SS18: variants seen among roughly 807,000 people sequenced by gnomAD.
SS18 encodes the protein SS18 subunit of BAF chromatin remodeling complex.
A neutral mutation model predicts 72.5 loss-of-function variants in SS18; 28 were observed. The observed-to-expected ratio is 0.39, with a 90% CI of 0.29 to 0.53. The LOEUF (loss-of-function observed/expected upper bound fraction) is 0.53, where lower values mean the gene tolerates loss of function less well. Ranked by LOEUF, SS18 falls within the 20% of genes least tolerant of loss-of-function variation. The pLI, the probability that SS18 is intolerant of heterozygous loss-of-function variation, is 0.76. For missense variants in SS18, 518 were observed against 535.3 expected (o/e 0.97, Z 0.32); for synonymous variants, 172 against 164.2 (o/e 1.05, Z -0.37).
intron 10 of SS18, among the ~76,000 whole-genome samples, chr18:26,022,522 G>A (rs2053370386): frequency 6.6e-6 from 1 of 151,444 alleles, no homozygotes; most frequent in Non-Finnish European, 1.5e-5. Context: ...TGATCCCTGA[G>A]ACATGGTAAA....
chr18:26,026,662 T>TG (rs1228638609), intron 10 of SS18, among the ~76,000 whole-genome samples: 9 of 151,916 alleles, frequency 5.9e-5, no homozygotes, highest in Non-Finnish European at 1.2e-4. Context: ...GGAAGGAACA[T>TG]GGGGGAGCAT....
Position 26,052,606 on chromosome 18 carries a change from G to A in SS18, c.607+18C>T, listed in dbSNP as rs763399753. On this transcript the variant is annotated intron_variant, in intron 5 of 10. Transcript: ENST00000415083. Reference sequence around the variant, plus strand: ...CTAATAGAGCACTCTAGTCAAGAAGGACATAAAGCTTAGTTACCTTGGTTT... The same window carrying A: ...CTAATAGAGCACTCTAGTCAAGAAGAACATAAAGCTTAGTTACCTTGGTTT... The A allele has an allele frequency of 1.9e-6, 3 of 1,588,196 alleles. No individual in the cohort carries two copies. In the South Asian group the frequency reaches 3.3e-5, roughly 18 times the overall value.
At chr18:26,079,143 T>C (rs2054472265) in intron 2 of SS18, 1 of 152,166 alleles carries the variant, frequency 6.6e-6, no homozygotes, top group Non-Finnish European at 1.5e-5. Context: ...AAAAAAGAGA[T>C]ATGCTAAAAC....
At chr18:26,066,928 T>C (rs2054230666) in intron 3 of SS18, among the ~76,000 whole-genome samples, 2 of 152,194 alleles carry the variant, frequency 1.3e-5, no homozygotes, top group South Asian at 4.1e-4. Context: ...GTACTCTGAA[T>C]ACAAAGTATT....
intron 5 of SS18, among the ~76,000 whole-genome samples, chr18:26,046,901 G>T (rs2053833514): frequency 1.3e-5 from 2 of 152,186 alleles, no homozygotes; most frequent in Admixed American, 6.5e-5. Flanking sequence ...TATTTATGTA[G>T]TGATTTGTAG....
intron 3 of SS18, among the ~76,000 whole-genome samples, chr18:26,067,209 T>A (rs1375994594): frequency 6.6e-6 from 1 of 152,186 alleles, no homozygotes; most frequent in African/African-American, 2.4e-5. Context: ...AATATCAAAA[T>A]GTTTTAACTA....
intron 1 of SS18, among the ~76,000 whole-genome samples, chr18:26,089,592 G>T (rs959235953): frequency 6.6e-6 from 1 of 152,202 alleles, no homozygotes; most frequent in Non-Finnish European, 1.5e-5. Flanking sequence ...AGCAACTTCT[G>T]AAAGTCTAGG....
At chr18:26,023,013 T>G (rs960852571) in intron 10 of SS18, among the ~76,000 whole-genome samples, 2 of 152,198 alleles carry the variant, frequency 1.3e-5, no homozygotes, top group Admixed American at 1.3e-4. Context: ...CTAGAATATC[T>G]TAAAAGCAAT....
At chr18:26,091,038 T>G, upstream of SS18, 2 of 188,970 alleles carry the variant, frequency 1.1e-5, no homozygotes, top group Non-Finnish European at 2.2e-5. Context: ...TCTCCCCGAC[T>G]GTGTTGCAGA....
intron 4 of SS18, 95 bp from the exon 5 acceptor site, chr18:26,052,940 G>T: frequency 2.1e-6 from 2 of 938,124 alleles, no homozygotes; most frequent in African/African-American, 1.7e-5. Context: ...CATTATTATA[G>T]TAATACCAAA....
At chr18:26,042,393 C>T (rs758600857) in intron 5 of SS18, among the ~76,000 whole-genome samples, 4 of 152,158 alleles carry the variant, frequency 2.6e-5, no homozygotes, top group Non-Finnish European at 4.4e-5. Context: ...AAAGACCCTA[C>T]TGATGTCTTA....
At chr18:26,078,479 A>G (rs2054457399) in intron 2 of SS18, 1 of 208,592 alleles carries the variant, frequency 4.8e-6, no homozygotes, top group South Asian at 1.0e-4. Flanking sequence ...AGAGAGGTTG[A>G]TAACTTGTAC....
At chr18:26,053,410 T>C (rs2053957713) in intron 4 of SS18, among the ~76,000 whole-genome samples, 1 of 148,656 alleles carries the variant, frequency 6.7e-6, no homozygotes, top group Non-Finnish European at 1.5e-5. Flanking sequence ...AGGAGAATTT[T>C]AAAAATAATA....
Position 26,017,151 on chromosome 18 carries a change from A to T in SS18, c.*1203T>A, listed in dbSNP as rs1363463799. The T allele has an allele frequency of 4.7e-6, 1 of 211,538 alleles. No individual in the cohort carries two copies. Among genetic ancestry groups the T allele is most frequent in the African/African-American group, 2.3e-5 (1 of 44,150 alleles). 13.1% of individuals were successfully genotyped at this position (211,538 alleles called of 1,614,324 possible). A position where few individuals can be genotyped will look rare whatever the true frequency, so the allele number is the denominator to read the frequency against. On this transcript the variant is annotated 3_prime_UTR_variant, in exon 11 of 11. Coordinates refer to ENST00000415083, the MANE Select transcript of SS18 (RefSeq NM_001007559.3). ...AATGATTAAAATATGCCATGCTAAT[A>T]AACAAGGTTATCTAGAATGCAACCT... is the stretch of plus-strand genomic sequence containing the variant.
intron 3 of SS18, among the ~76,000 whole-genome samples, chr18:26,073,545 G>A (rs1234095244): frequency 6.6e-6 from 1 of 152,124 alleles, no homozygotes; most frequent in Non-Finnish European, 1.5e-5. Flanking sequence ...TTATAATGAT[G>A]GTACAAAAGC....
chr18:26,063,556 A>G (rs1217127580), intron 3 of SS18, among the ~76,000 whole-genome samples: 1 of 152,158 alleles, frequency 6.6e-6, no homozygotes, highest in East Asian at 1.9e-4. Flanking sequence ...ATCAGTAACA[A>G]AATTATTCAT....
In SS18 at chr18:26,017,887, T is replaced by C. The variant is rs941721542; in HGVS notation, c.*467A>G. 1.7e-5 allele frequency: 4 copies of C among 233,676 alleles called. No individual in the cohort carries two copies. Among genetic ancestry groups the C allele is most frequent in the African/African-American group, 4.4e-5 (2 of 45,148 alleles). The allele number at this position is 233,676 out of a possible 1,614,324, so 14.5% of individuals were successfully genotyped here. The stretch of plus-strand genomic sequence containing the variant: ...ACAGAGGATTTCTGATGCTGTCCAG[T>C]GCGTAGTGTACCGCCTTGCATATTC... On this transcript the variant is annotated 3_prime_UTR_variant, in exon 11 of 11. Coordinates refer to ENST00000415083, the MANE Select transcript of SS18 (RefSeq NM_001007559.3).
intron 5 of SS18, among the ~76,000 whole-genome samples, chr18:26,048,445 G>C (rs1437046630): frequency 6.6e-6 from 1 of 152,016 alleles, no homozygotes; most frequent in Non-Finnish European, 1.5e-5. Flanking sequence ...GAATAGCGGA[G>C]GTAAAGGAAA....
intron 5 of SS18, among the ~76,000 whole-genome samples, chr18:26,044,232 G>A (rs2053780035): frequency 6.6e-6 from 1 of 151,934 alleles, no homozygotes; most frequent in Non-Finnish European, 1.5e-5. Flanking sequence ...CTAAGTATAG[G>A]CTACTATACT....
Sources: allele counts gnomAD v4.1 joint callset (sites outside exome capture counted in the v4.1 genomes callset), GRCh38; gene constraint gnomAD v4.1.1; transcripts MANE v1.5; gene names NCBI Gene and HGNC (gene_info 2026-07-23, HGNC 2026-07-21).